Variants in SLC71A2 observed in about 807,000 individuals in gnomAD.
SLC71A2 encodes the protein hippocampus abundant transcript-like 1.
chr9:94,440,793 C>A, the SLC71A2 span, among the ~76,000 whole-genome samples: 1 of 151,956 alleles, frequency 6.6e-6, no homozygotes, highest in Non-Finnish European at 1.5e-5. Flanking sequence ...CCCCTTTGAA[C>A]AATGATGAAA....
chr9:94,405,363 C>T, the SLC71A2 span, among the ~76,000 whole-genome samples: 5 of 152,022 alleles, frequency 3.3e-5, no homozygotes, highest in South Asian at 2.1e-4. Context: ...GGCATGGTGG[C>T]GGGCGCCTGT....
the SLC71A2 span, among the ~76,000 whole-genome samples, chr9:94,453,055 G>T: frequency 6.6e-6 from 1 of 150,758 alleles, no homozygotes; most frequent in Non-Finnish European, 1.5e-5. Context: ...TTATATTTTT[G>T]TTTTTGTTGA....
chr9:94,407,974 G>A, the SLC71A2 span, among the ~76,000 whole-genome samples: 25 of 152,024 alleles, frequency 1.6e-4, no homozygotes, highest in African/African-American at 5.1e-4. Context: ...ATCAGTTATC[G>A]GATGGACTGC....
chr9:94,389,098 A>C, the SLC71A2 span, among the ~76,000 whole-genome samples: 1 of 151,746 alleles, frequency 6.6e-6, no homozygotes, highest in South Asian at 2.1e-4. Flanking sequence ...GAGAGCACTA[A>C]AGGCCAGAAA....
At chr9:94,417,525 G>A in the SLC71A2 span, among the ~76,000 whole-genome samples, 25 of 152,144 alleles carry the variant, frequency 1.6e-4, no homozygotes, top group South Asian at 4.6e-3. Context: ...TACTCGGAAG[G>A]CTGAGGCAGG....
the SLC71A2 span, among the ~76,000 whole-genome samples, chr9:94,427,925 C>T: frequency 6.6e-6 from 1 of 150,538 alleles, no homozygotes; most frequent in African/African-American, 2.5e-5. Context: ...AGTTCAAGAC[C>T]AGCCTGGCCA....
the SLC71A2 span, among the ~76,000 whole-genome samples, chr9:94,429,956 G>A: frequency 6.7e-6 from 1 of 149,716 alleles, no homozygotes; most frequent in African/African-American, 2.5e-5. Context: ...CCAGGCTGGA[G>A]TGCAGTGTGG....
the SLC71A2 span, among the ~76,000 whole-genome samples, chr9:94,409,404 C>T: frequency 6.7e-6 from 1 of 150,110 alleles, no homozygotes; most frequent in South Asian, 2.1e-4. Flanking sequence ...GTGTTCTGCC[C>T]ACCTTGACCC....
the SLC71A2 span, among the ~76,000 whole-genome samples, chr9:94,403,302 A>G: frequency 2.0e-5 from 3 of 151,926 alleles, no homozygotes; most frequent in African/African-American, 7.3e-5. Context: ...ACGCCTGGCT[A>G]ATTTTTTTGT....
the SLC71A2 span, among the ~76,000 whole-genome samples, chr9:94,442,807 G>A: frequency 8.0e-5 from 12 of 150,430 alleles, no homozygotes; most frequent in African/African-American, 2.0e-4. Flanking sequence ...CCAAGATCGC[G>A]CCACTACACT....
chr9:94,401,686 T>C, the SLC71A2 span, among the ~76,000 whole-genome samples: 1 of 152,080 alleles, frequency 6.6e-6, no homozygotes. Context: ...TTTGTCTGGC[T>C]CTCATGGTCT....
chr9:94,385,834 C>T, the SLC71A2 span, among the ~76,000 whole-genome samples: 39 of 152,090 alleles, frequency 2.6e-4, no homozygotes, highest in African/African-American at 8.2e-4. Context: ...GTGTTCTTTG[C>T]AATTCCATAT....
the SLC71A2 span, among the ~76,000 whole-genome samples, chr9:94,379,673 G>C: frequency 6.6e-6 from 1 of 152,124 alleles, no homozygotes; most frequent in Non-Finnish European, 1.5e-5. Context: ...TTATAGGCAT[G>C]AGCCACCATG....
the SLC71A2 span, chr9:94,438,286 A>G: frequency 7.7e-7 from 1 of 1,293,192 alleles, no homozygotes. Flanking sequence ...TCAAAGTATT[A>G]TTCTGTTTTG....
chr9:94,455,682 G>C, the SLC71A2 span, among the ~76,000 whole-genome samples: 1 of 152,058 alleles, frequency 6.6e-6, no homozygotes, highest in East Asian at 1.9e-4. Flanking sequence ...CCCAAAGTTG[G>C]GGCCTCACTT....
At chr9:94,435,589 T>C in the SLC71A2 span, among the ~76,000 whole-genome samples, 2 of 151,878 alleles carry the variant, frequency 1.3e-5, no homozygotes, top group Non-Finnish European at 2.9e-5. Flanking sequence ...CTTACATTCA[T>C]TACAAGTAGA....
the SLC71A2 span, chr9:94,453,897 G>C: frequency 2.1e-5 from 24 of 1,126,134 alleles, no homozygotes; most frequent in Middle Eastern, 2.5e-4. Context: ...CACACACAGA[G>C]CTTGTATTTT....
the SLC71A2 span, among the ~76,000 whole-genome samples, chr9:94,415,556 A>T: frequency 6.6e-6 from 1 of 152,106 alleles, no homozygotes; most frequent in Non-Finnish European, 1.5e-5. Context: ...GCAACTCCCA[A>T]ACTTTTTTAG....
At chr9:94,416,835 C>T in the SLC71A2 span, among the ~76,000 whole-genome samples, 2 of 129,352 alleles carry the variant, frequency 1.5e-5, no homozygotes, top group South Asian at 2.5e-4. Flanking sequence ...GCTTGGACAA[C>T]AAAAGCAAAA....
Sources: gnomAD v4.1 joint callset for allele counts (sites outside exome capture counted in the v4.1 genomes callset) on GRCh38, gnomAD v4.1.1 for gene constraint, MANE v1.5 for transcripts, NCBI Gene and HGNC (gene_info 2026-07-23, HGNC 2026-07-21) for gene names.